The following PHYH variants were observed in gnomAD, a reference collection of about 807,000 sequenced individuals.
PHYH encodes the protein phytanoyl-CoA dioxygenase, peroxisomal.
Under a neutral mutation model 38.5 loss-of-function variants are expected in PHYH, and 32 were observed. The ratio of observed to expected loss-of-function variants is 0.83; its 90% CI spans 0.63 to 1.12. PHYH has a LOEUF of 1.12. PHYH is among the 50% of genes most tolerant of loss of function. PHYH has a pLI of 0.00. For synonymous variants in PHYH, 166 were observed against 157.9 expected (o/e 1.05, Z -0.38); for missense variants, 426 against 434.8 (o/e 0.98, Z 0.18).
intron 6 of PHYH, among the ~76,000 whole-genome samples, chr10:13,285,414 C>T (rs562371498): frequency 6.6e-6 from 1 of 152,004 alleles, no homozygotes; most frequent in African/African-American, 2.4e-5. Context: ...AAACTCCTGA[C>T]CTCAAGTGAT....
intron 2 of PHYH, among the ~76,000 whole-genome samples, chr10:13,297,074 C>G (rs561211601): frequency 2.6e-5 from 4 of 151,916 alleles, no homozygotes; most frequent in South Asian, 4.2e-4. Context: ...AAAGAAAAGC[C>G]TGCAAAGAAA....
At chr10:13,293,283 C>CTTGTTTT (rs1282862984) in intron 4 of PHYH, among the ~76,000 whole-genome samples, 4 of 151,982 alleles carry the variant, frequency 2.6e-5, no homozygotes, top group African/African-American at 9.7e-5. Context: ...AGTTAGCTCA[C>CTTGTTTT]TTGTTTTTTG....
intron 6 of PHYH, among the ~76,000 whole-genome samples, chr10:13,285,796 G>C (rs933830039): frequency 1.3e-5 from 2 of 151,622 alleles, no homozygotes; most frequent in Non-Finnish European, 2.9e-5. Flanking sequence ...TAGAGACAGG[G>C]TTGCTCCATG....
chr10:13,277,894 G>A lies in PHYH; in HGVS notation c.*407C>T, dbSNP rs200648346. ...TATTATACATTGTTCTAGATTTGGGGGAAAAAAATCTCTTATGACATAAAA... is the reference window on the plus strand; with the variant it reads ...TATTATACATTGTTCTAGATTTGGGAGAAAAAAATCTCTTATGACATAAAA... On this transcript the variant is annotated 3_prime_UTR_variant, in exon 9 of 9. Transcript: ENST00000263038. The A allele has an allele frequency of 3.0e-5, 9 of 296,480 alleles. No individual in the cohort carries two copies. In the East Asian group the frequency reaches 7.9e-4, roughly 26 times the overall value. 18.4% of individuals were successfully genotyped at this position (296,480 alleles called of 1,614,324 possible).
intron 3 of PHYH, chr10:13,295,204 C>A: frequency 2.5e-6 from 1 of 393,482 alleles, no homozygotes; most frequent in Non-Finnish European, 4.7e-6. Flanking sequence ...TGGTGCACAA[C>A]TGTGGTCCCA....
In PHYH at chr10:13,294,576, C is replaced by A. The variant is rs1218295820; in HGVS notation, c.266G>T (p.Cys89Phe). 2.5e-6 allele frequency: 4 copies of A among 1,613,918 alleles called. No homozygotes were observed. The African/African-American group carries it at 5.3e-5, about 22-fold the overall frequency. The change falls in exon 4 of 9, where the codon TGC becomes TTC. Residue 89 changes from cysteine to phenylalanine, a missense_variant. By Grantham distance (205) the Cys-to-Phe change is radical (BLOSUM62 -2). Coordinates refer to ENST00000263038, the MANE Select transcript of PHYH (RefSeq NM_006214.4). ...TCCTAATGGTTTCACCTCCTTTCTG[C>A]AGATTTTTTCAAACTCATTCCTAGA... ...QRFRNEFEKI[C>F]RKEVKPLGLT...
intron 1 of PHYH, chr10:13,299,418 A>G: frequency 1.0e-6 from 1 of 1,000,546 alleles, no homozygotes; most frequent in Non-Finnish European, 1.2e-6. Flanking sequence ...GCCAGTCCTC[A>G]CCCGCTGTCC....
chr10:13,279,074 T>C (rs1213347033), intron 8 of PHYH, among the ~76,000 whole-genome samples: 5 of 150,370 alleles, frequency 3.3e-5, no homozygotes, highest in African/African-American at 1.2e-4. Flanking sequence ...TCTTGGCTCA[T>C]TGCAACCTCT....
At chr10:13,291,104 C>CAAAAAAAAAAAAAAA (rs367712215) in intron 5 of PHYH, among the ~76,000 whole-genome samples, 1 of 76,368 alleles carries the variant, frequency 1.3e-5, no homozygotes, top group Non-Finnish European at 2.4e-5. Context: ...AACTCCATCT[C>CAAAAAAAAAAAAAAA]AAAAAAAAAA....
chr10:13,288,077 G>A (rs934384857), intron 6 of PHYH, among the ~76,000 whole-genome samples: 2 of 152,216 alleles, frequency 1.3e-5, no homozygotes, highest in East Asian at 1.9e-4. Context: ...CTACTAGGGC[G>A]ACTGAGGCGG....
chr10:13,296,351 T>C (rs1014629327), intron 2 of PHYH, among the ~76,000 whole-genome samples: 5 of 149,704 alleles, frequency 3.3e-5, no homozygotes, highest in African/African-American at 1.2e-4. Context: ...CTGAGGCAGG[T>C]GGATCACCTG....
chr10:13,287,409 G>T (rs1835580253), intron 6 of PHYH, among the ~76,000 whole-genome samples: 1 of 152,228 alleles, frequency 6.6e-6, no homozygotes, highest in Non-Finnish European at 1.5e-5. Context: ...GAACTAAAAA[G>T]TTCCCATTCT....
chr10:13,295,660 G>T, intron 2 of PHYH, 54 bp from the exon 3 acceptor site: 1 of 812,346 alleles, frequency 1.2e-6, no homozygotes, highest in Non-Finnish European at 2.2e-6. Context: ...TACAGGCTAG[G>T]CACAATGGCT....
chr10:13,284,156 C>G (rs1835487163), intron 6 of PHYH, among the ~76,000 whole-genome samples: 1 of 151,994 alleles, frequency 6.6e-6, no homozygotes, highest in Non-Finnish European at 1.5e-5. Context: ...AACCCCATCT[C>G]TACAAAAACT....
chr10:13,284,989 C>T lies in PHYH; in HGVS notation c.679-1150G>A, dbSNP rs186048572. ...TGAGCAGGGTATCTGAGACTCCACACGCTCTGGAAGCCCTGCAAACTTTTC... is the reference window on the plus strand; with the variant it reads ...TGAGCAGGGTATCTGAGACTCCACATGCTCTGGAAGCCCTGCAAACTTTTC... On this transcript the variant is annotated intron_variant, in intron 6 of 8. Coordinates refer to ENST00000263038, the MANE Select transcript of PHYH (RefSeq NM_006214.4). Among the ~76,000 whole-genome samples the T allele has an allele frequency of 2.6e-3, 390 of 152,274 alleles. 2 individuals are homozygous for T. Among genetic ancestry groups the T allele is most frequent in the African/African-American group, 8.4e-3 (351 of 41,552 alleles).
At chr10:13,285,345 G>A (rs1029900663) in intron 6 of PHYH, among the ~76,000 whole-genome samples, 4 of 151,746 alleles carry the variant, frequency 2.6e-5, no homozygotes, top group Admixed American at 2.6e-4. Context: ...CACCATGCCT[G>A]GCTAATTTTT....
chr10:13,299,367 C>T (rs1257803254), intron 1 of PHYH: 1 of 925,942 alleles, frequency 1.1e-6, no homozygotes, highest in Non-Finnish European at 1.3e-6. Context: ...GGCCTTGGCC[C>T]CCAGAAGAGC....
intron 1 of PHYH, 52 bp downstream of exon 1, chr10:13,299,916 C>A (rs1409689803): frequency 2.5e-5 from 37 of 1,488,190 alleles, no homozygotes; most frequent in Admixed American, 1.3e-4. Flanking sequence ...ACCACTCAGG[C>A]GGCGGCGCCG....
Position 13,291,811 on chromosome 10 carries a change from T to TG in PHYH, c.496+19_496+20insC. ...CACATTTTAATGAAACCATTTTTTT[T>TG]TCTTCTCCCTTACAATTACCAGAAT... is the stretch of plus-strand genomic sequence containing the variant. On this transcript the variant is annotated intron_variant, in intron 5 of 8. Transcript: ENST00000263038. The TG allele has an allele frequency of 6.5e-7, 1 of 1,550,084 alleles. No individual in the cohort carries two copies. The highest frequency in any genetic ancestry group is 1.4e-5 in the African/African-American group (1 of 73,748).
Sources: gnomAD v4.1 joint callset for allele counts (sites outside exome capture counted in the v4.1 genomes callset) on GRCh38, gnomAD v4.1.1 for gene constraint, MANE v1.5 for transcripts, NCBI Gene and HGNC (gene_info 2026-07-23, HGNC 2026-07-21) for gene names.